The following IDE variants were observed in gnomAD, a reference collection of about 807,000 sequenced individuals.
IDE encodes insulin degrading enzyme, also known as insulin-degrading enzyme.
In IDE, 58 loss-of-function variants were observed where a neutral mutation model predicts 133.2. That is an observed-to-expected ratio of 0.44 (90% CI 0.35 to 0.54). The LOEUF is 0.54. IDE is among the 20% of genes least tolerant of loss of function. The pLI is 0.00. For synonymous variants in IDE, 396 were observed against 421.3 expected (o/e 0.94, Z 0.73); for missense variants, 981 against 1,234.0 (o/e 0.79, Z 3.07).
rs187476721 is a variant in IDE at position 92,534,326 on chromosome 10, C to T, written c.491+252G>A. Reference sequence around the variant, plus strand: ...ATCACAGGTTAGTCCTCATCACATGCTTTATATGTAACACCAGTTAGAATG... The same window carrying T: ...ATCACAGGTTAGTCCTCATCACATGTTTTATATGTAACACCAGTTAGAATG... On this transcript the variant is annotated intron_variant, in intron 3 of 24. Coordinates refer to ENST00000265986, the MANE Select transcript of IDE (RefSeq NM_004969.4). Among the ~76,000 whole-genome samples, 317 of 152,246 alleles carry T rather than the reference C, an allele frequency of 2.1e-3. 2 individuals carry two copies. Among genetic ancestry groups the T allele is most frequent in the East Asian group, 3.5e-3 (18 of 5,182 alleles).
Position 92,506,476 on chromosome 10 carries a change from C to G in IDE, c.1292G>C (p.Arg431Pro), listed in dbSNP as rs1352831970. The change falls in exon 10 of 25, where the codon CGG becomes CCG. Residue 431 changes from arginine (R) to proline (P), a missense_variant. This residue lies in a region of IDE where 660 missense variants were observed against 894.7 expected (regional missense o/e 0.74). Coordinates refer to ENST00000265986, the MANE Select transcript of IDE (RefSeq NM_004969.4). The stretch of plus-strand genomic sequence containing the variant: ...TCCTGCAATCTTAGATGTATAGCCC[C>G]GTGGCCTCTCTTTGTCTTTAAACCT... Reference protein sequence around the residue: ...AFRFKDKERPRGYTSKIAGIL... With the variant: ...AFRFKDKERPPGYTSKIAGIL... 1.3e-6 allele frequency: 2 copies of G among 1,596,028 alleles called. No individual in the cohort carries two copies. Among genetic ancestry groups the G allele is most frequent in the African/African-American group, 2.7e-5 (2 of 74,478 alleles).
chr10:92,480,709 C>G (rs182566505), intron 14 of IDE: 1 of 152,560 alleles, frequency 6.6e-6, no homozygotes, highest in Admixed American at 6.5e-5. Flanking sequence ...AAAAGTTTCA[C>G]TCTACTTGTA....
chr10:92,568,672 C>T (rs1167054153), intron 1 of IDE, among the ~76,000 whole-genome samples: 2 of 151,922 alleles, frequency 1.3e-5, no homozygotes, highest in Non-Finnish European at 2.9e-5. Context: ...AAAAATTAGC[C>T]GGGCGTGGTG....
intron 1 of IDE, among the ~76,000 whole-genome samples, chr10:92,539,127 A>G (rs1842170913): frequency 6.6e-6 from 1 of 152,128 alleles, no homozygotes; most frequent in Non-Finnish European, 1.5e-5. Flanking sequence ...TCCAATCTGC[A>G]TAACAATTGA....
chr10:92,528,897 T>C (rs1849771032), intron 4 of IDE, among the ~76,000 whole-genome samples: 1 of 151,764 alleles, frequency 6.6e-6, no homozygotes, highest in Non-Finnish European at 1.5e-5. Flanking sequence ...GCTAACATGG[T>C]GAAACCCCAT....
intron 4 of IDE, among the ~76,000 whole-genome samples, chr10:92,520,573 A>G (rs1207223301): frequency 2.0e-5 from 3 of 152,222 alleles, no homozygotes; most frequent in Non-Finnish European, 4.4e-5. Context: ...ATAGCTAGTT[A>G]CTTGGAATTA....
Position 92,452,930 on chromosome 10 carries a change from G to C in IDE, c.*1514C>G, listed in dbSNP as rs1844816717. ...GATGGTTACAGCACCACATTGATCT[G>C]ACAGTAGAAATGGAGCCCCGCTTTT... On this transcript the variant is annotated 3_prime_UTR_variant, in exon 25 of 25. Coordinates refer to ENST00000265986, the MANE Select transcript of IDE (RefSeq NM_004969.4). The C allele has an allele frequency of 6.6e-6, 1 of 152,226 alleles. No individual in the cohort carries two copies. Among genetic ancestry groups the C allele is most frequent in the African/African-American group, 2.4e-5 (1 of 41,452 alleles). The allele number at this position is 152,226 out of a possible 1,614,324, so 9.4% of individuals were successfully genotyped here.
intron 4 of IDE, among the ~76,000 whole-genome samples, chr10:92,527,135 T>C (rs114184930): frequency 1.3e-3 from 197 of 152,322 alleles, no homozygotes; most frequent in African/African-American, 4.6e-3. Context: ...TATATTTTCT[T>C]TTAAAAGTTG....
chr10:92,563,690 G>C (rs561570527), intron 1 of IDE, among the ~76,000 whole-genome samples: 1 of 151,958 alleles, frequency 6.6e-6, no homozygotes, highest in Non-Finnish European at 1.5e-5. Flanking sequence ...AGGGGGCAGA[G>C]GTTGCAGTGA....
intron 17 of IDE, chr10:92,474,534 ATGT>A (rs1399099736): frequency 6.0e-6 from 1 of 167,122 alleles, no homozygotes; most frequent in East Asian, 1.6e-4. Flanking sequence ...AGAGTATATA[ATGT>A]TATTATATAT....
intron 1 of IDE, among the ~76,000 whole-genome samples, chr10:92,561,307 TAGCAC>T (rs1843270984): frequency 6.6e-6 from 1 of 151,996 alleles, no homozygotes; most frequent in African/African-American, 2.4e-5. Context: ...AACTCAGCAG[TAGCAC>T]AGCTGTCTAA....
At chr10:92,454,569 A>G in intron 24 of IDE, 30 bp from the exon 25 acceptor site, 1 of 1,518,182 alleles carries the variant, frequency 6.6e-7, no homozygotes, top group Non-Finnish European at 9.1e-7. Flanking sequence ...CTTTTAGTGT[A>G]TTTAACCTAA....
chr10:92,491,964 G>C (rs1050418956), intron 11 of IDE, among the ~76,000 whole-genome samples: 1 of 151,516 alleles, frequency 6.6e-6, no homozygotes, highest in Non-Finnish European at 1.5e-5. Context: ...AAGTCAGATG[G>C]AAAAAAGTGT....
rs570909229 is a variant in IDE at position 92,454,780 on chromosome 10, G to C, written c.2965-241C>G. Among the ~76,000 whole-genome samples, 9 of 152,176 alleles carry C rather than the reference G, an allele frequency of 5.9e-5. No individual in the cohort carries two copies. The East Asian group carries it at 1.7e-3, about 30-fold the overall frequency. ...TACAAACCTATGGTAAGTGTCCTTA[G>C]TCCTTTTGGTTTTCCTCTGGGCAAA... On this transcript the variant is annotated intron_variant, in intron 24 of 24. Transcript: ENST00000265986.
intron 17 of IDE, 32 bp from the exon 18 acceptor site, chr10:92,470,377 T>C (rs1277968880): frequency 5.0e-6 from 7 of 1,392,444 alleles, no homozygotes; most frequent in Non-Finnish European, 3.9e-6. Context: ...TAGTGAGCGC[T>C]ACCTATGAGG....
rs1846741426 is a variant in IDE, at chr10:92,483,432, A to T, written c.1657-95T>A. 6 of 707,304 alleles carry T rather than the reference A, an allele frequency of 8.5e-6. No individual in the cohort carries two copies. The East Asian group carries it at 1.6e-4, about 19-fold the overall frequency. 43.8% of individuals were successfully genotyped at this position (707,304 alleles called of 1,614,324 possible). On this transcript the variant is annotated intron_variant, in intron 13 of 24. Coordinates refer to ENST00000265986, the MANE Select transcript of IDE (RefSeq NM_004969.4). ...CTTCAAGAGGAGGAGGACAGAAGCA[A>T]TAGTTAGAGTTTTGTTCTGGAGTTG...
intron 14 of IDE, among the ~76,000 whole-genome samples, chr10:92,482,691 C>T (rs745319789): frequency 1.3e-5 from 2 of 151,492 alleles, no homozygotes; most frequent in African/African-American, 2.4e-5. Context: ...CTAACAATAG[C>T]TAACATAAAT....
Position 92,454,916 on chromosome 10 carries a change from T to G in IDE, c.2965-377A>C, listed in dbSNP as rs1393792568. ...CCTAGTTACACTGCCAGTTTCCTCC[T>G]CTTGCAAGCTAATGTCAATCCTTCT... On this transcript the variant is annotated intron_variant, in intron 24 of 24. Transcript: ENST00000265986. Among the ~76,000 whole-genome samples, 9 of 152,208 alleles carry G rather than the reference T, an allele frequency of 5.9e-5. No individual in the cohort carries two copies. In the East Asian group the frequency reaches 1.7e-3, roughly 29 times the overall value.
At position 92,469,076 on chromosome 10, in the gene IDE, G is replaced by A. The variant is rs918199895; in HGVS notation, c.2209-86C>T. 4 of 761,958 alleles carry A rather than the reference G, an allele frequency of 5.2e-6. No homozygotes were observed. In the East Asian group the frequency reaches 7.7e-5, roughly 15 times the overall value. The allele number at this position is 761,958 out of a possible 1,614,324, so 47.2% of individuals were successfully genotyped here. ...TAAACTGGCTTTGTTTATCATAAAA[G>A]TGGATTCTAAAACCTTAAATATATT... is the stretch of plus-strand genomic sequence containing the variant. On this transcript the variant is annotated intron_variant, in intron 18 of 24. Transcript: ENST00000265986.
Sources: allele counts gnomAD v4.1 joint callset (sites outside exome capture counted in the v4.1 genomes callset), GRCh38; gene constraint gnomAD v4.1.1; regional missense constraint gnomAD v4.1.1; transcripts MANE v1.5; gene names NCBI Gene and HGNC (gene_info 2026-07-23, HGNC 2026-07-21).